GPRASP2: variants seen among roughly 807,000 people sequenced by gnomAD.
GPRASP2 encodes G protein-coupled receptor-associated sorting protein 2.
GPRASP2 carries 10 observed loss-of-function variants against 36.0 expected under a neutral mutation model. The ratio of observed to expected loss-of-function variants is 0.28; its 90% CI spans 0.17 to 0.47. The LOEUF is 0.47. GPRASP2 is among the 20% of genes least tolerant of loss of function. GPRASP2 has a pLI of 0.99. For synonymous variants in GPRASP2, 219 were observed against 230.5 expected, an observed-to-expected ratio of 0.95 and a Z score of 0.45; for missense variants, 538 against 626.7, an observed-to-expected ratio of 0.86 and a Z score of 1.51.
chrX:102,717,442 T>C lies in GPRASP2; in HGVS notation c.*56T>C. ...TATGTTCCCAAAGAGCCCTGAGTAG[T>C]GCTTTGGTGTTCACAGTCTGTTTTT... On this transcript the variant is annotated 3_prime_UTR_variant, in exon 5 of 5. Transcript: ENST00000483720. 1.0e-6 allele frequency: 1 copy of C among 1,004,162 alleles called. No individual in the cohort carries two copies. The highest frequency in any genetic ancestry group is 1.3e-6 in the Non-Finnish European group (1 of 783,986). 82.8% of individuals were successfully genotyped at this position (1,004,162 alleles called of 1,213,427 possible).
chrX:102,715,430 G>A lies in GPRASP2; in HGVS notation c.561G>A (p.Gln187=). 3 of 1,212,295 alleles carry A rather than the reference G, an allele frequency of 2.5e-6. No homozygotes were observed. The highest frequency in any genetic ancestry group is 3.3e-6 in the Non-Finnish European group (3 of 895,634). The stretch of plus-strand genomic sequence containing the variant: ...ATGCTGAAACCTTTCCTGGCACCCA[G>A]GGTCAGAAAGGAATCCAGCCCTGGT... The part of the protein sequence containing the change: ...NVDAETFPGT[Q]GQKGIQPWFG... Residue 187 remains glutamine (Q), a synonymous_variant, in exon 5 of 5, where the codon CAG becomes CAA. Transcript: ENST00000483720.
rs1489245539 is a variant in GPRASP2 at position 102,716,153 on chromosome X, G to A, written c.1284G>A (p.Lys428=). 8.3e-7 allele frequency: 1 copy of A among 1,203,938 alleles called. No homozygotes were observed. The highest frequency in any genetic ancestry group is 1.1e-6 in the Non-Finnish European group (1 of 892,961). The stretch of plus-strand genomic sequence containing the variant: ...GATCCGCGTACTGGGCTGAGGAAAA[G>A]TCCAGTTTGGGGGCTGTGGCCAGAG... ...IGGSAYWAEE[K]SSLGAVAREE... is the part of the protein sequence containing the mutation. Residue 428 remains lysine, a synonymous_variant, in exon 5 of 5, where the codon AAG becomes AAA. Transcript: ENST00000483720.
intron 2 of GPRASP2, among the ~76,000 whole-genome samples, chrX:102,713,502 C>T (rs893763081): frequency 1.1e-4 from 12 of 113,176 alleles, no homozygotes; most frequent in African/African-American, 2.9e-4. Flanking sequence ...TTTTATGCTG[C>T]GCAGAGCAAG....
chrX:102,716,265 T>A lies in GPRASP2; in HGVS notation c.1396T>A (p.Cys466Ser). ...RDEACFDLNPCPVYKVSDRFR... is the reference protein window; with the variant it reads ...RDEACFDLNPSPVYKVSDRFR... ...TGAGGCCTGCTTTGACCTAAATCCC[T>A]GTCCTGTGTACAAGGTCAGTGATAG... Residue 466 changes from cysteine to serine, a missense_variant, in exon 5 of 5, where the codon TGT (cysteine) becomes AGT (serine). This residue lies in a region of GPRASP2 where 262 missense variants were observed against 351.7 expected (regional missense o/e 0.74). Coordinates refer to ENST00000483720, the MANE Select transcript of GPRASP2 (RefSeq NM_001004051.4). 1 of 1,212,151 alleles carries A rather than the reference T, an allele frequency of 8.2e-7. No individual in the cohort carries two copies. Among genetic ancestry groups the A allele is most frequent in the Non-Finnish European group, 1.1e-6 (1 of 895,640 alleles).
chrX:102,715,868 G>A lies in GPRASP2; in HGVS notation c.999G>A (p.Glu333=). The A allele has an allele frequency of 8.3e-7, 1 of 1,212,035 alleles. No individual in the cohort carries two copies. Among genetic ancestry groups the A allele is most frequent in the South Asian group, 1.8e-5 (1 of 57,000 alleles). The change falls in exon 5 of 5, where the codon GAG becomes GAA. Residue 333 remains glutamate (E), a synonymous_variant. Coordinates refer to ENST00000483720, the MANE Select transcript of GPRASP2 (RefSeq NM_001004051.4). ...EDCFESESED[E]FYKQSWVLPG... ...GTTTTGAATCTGAGTCTGAAGATGA[G>A]TTCTATAAGCAGTCCTGGGTTTTGC...
At position 102,715,072 on chromosome X, in the gene GPRASP2, C is replaced by A. The variant is rs779921022; in HGVS notation, c.203C>A (p.Ala68Glu). ...GCAAGGCCCAAAACTGAGGCCCAAGCAATGTCTGGGGCAAGGCCCAAAACT... is the reference window on the plus strand; with the variant it reads ...GCAAGGCCCAAAACTGAGGCCCAAGAAATGTCTGGGGCAAGGCCCAAAACT... ...PAARPKTEAQ[A>E]MSGARPKTEV... is the part of the protein sequence containing the mutation. Residue 68 changes from alanine (A) to glutamate (E), a missense_variant, in exon 5 of 5, where the codon GCA becomes GAA. Physicochemically the swap from Ala to Glu is moderately radical, Grantham distance 107. Transcript: ENST00000483720. The A allele has an allele frequency of 8.2e-7, 1 of 1,212,512 alleles. No homozygotes were observed. Among genetic ancestry groups the A allele is most frequent in the Non-Finnish European group, 1.1e-6 (1 of 895,585 alleles).
At position 102,716,151 on chromosome X, in the gene GPRASP2, A is replaced by G; in HGVS notation, c.1282A>G (p.Lys428Glu). The change falls in exon 5 of 5, where the codon AAG becomes GAG. Residue 428 changes from lysine (K) to glutamate (E), a missense_variant. Lys to Glu is a moderately conservative substitution (Grantham distance 56). Transcript: ENST00000483720. ...IGGSAYWAEE[K>E]SSLGAVAREE... is the part of the protein sequence containing the mutation. ...CGGATCCGCGTACTGGGCTGAGGAAAAGTCCAGTTTGGGGGCTGTGGCCAG... is the reference window on the plus strand; with the variant it reads ...CGGATCCGCGTACTGGGCTGAGGAAGAGTCCAGTTTGGGGGCTGTGGCCAG... The G allele has an allele frequency of 8.3e-7, 1 of 1,205,185 alleles. No individual in the cohort carries two copies. Among genetic ancestry groups the G allele is most frequent in the Non-Finnish European group, 1.1e-6 (1 of 892,977 alleles).
In GPRASP2 at chrX:102,716,380, A is replaced by C; in HGVS notation, c.1511A>C (p.His504Pro). The C allele has an allele frequency of 2.5e-6, 3 of 1,211,698 alleles. No homozygotes were observed. Among genetic ancestry groups the C allele is most frequent in the Admixed American group, 2.2e-5 (1 of 46,013 alleles). Residue 504 changes from histidine (H) to proline (P), a missense_variant, in exon 5 of 5, where the codon CAT becomes CCT. Physicochemically the swap from His to Pro is moderately conservative, Grantham distance 77. Coordinates refer to ENST00000483720, the MANE Select transcript of GPRASP2 (RefSeq NM_001004051.4). The part of the protein sequence containing the change: ...VTVEFKPGLF[H>P]GVGFRSTSPF... ...GTTGAATTCAAACCTGGTCTTTTTC[A>C]TGGGGTTGGCTTCCGATCCACAAGC...
At position 102,714,771 on chromosome X, in the gene GPRASP2, A is replaced by G; in HGVS notation, c.-99A>G. 8.9e-7 allele frequency: 1 copy of G among 1,126,941 alleles called. No individual in the cohort carries two copies. Among genetic ancestry groups the G allele is most frequent in the Non-Finnish European group, 1.2e-6 (1 of 849,306 alleles). 92.9% of individuals were successfully genotyped at this position (1,126,941 alleles called of 1,213,427 possible). A position where few individuals can be genotyped will look rare whatever the true frequency, so the allele number is the denominator to read the frequency against. ...CCCAAGCTTATATCCTTAATCACCT[A>G]AAGATCAGAGTGTGAAGAAACAAAC... On this transcript the variant is annotated 5_prime_UTR_variant, in exon 5 of 5. Transcript: ENST00000483720.
In GPRASP2 at chrX:102,716,073, G is replaced by A; in HGVS notation, c.1204G>A (p.Gly402Arg). ...AGAAAAAGAGGCCAGTTTGGAGGGT[G>A]GAGCTTCAGCAATCTGTGAATCTGA... ...WAEKEASLEG[G>R]ASAICESEPG... The change falls in exon 5 of 5, where the codon GGA becomes AGA. Residue 402 changes from glycine (G) to arginine (R), a missense_variant. This residue lies in a region of GPRASP2 where 262 missense variants were observed against 351.7 expected (regional missense o/e 0.74). Coordinates refer to ENST00000483720, the MANE Select transcript of GPRASP2 (RefSeq NM_001004051.4). 1.7e-6 allele frequency: 2 copies of A among 1,194,149 alleles called. No individual in the cohort carries two copies. The highest frequency in any genetic ancestry group is 2.3e-6 in the Non-Finnish European group (2 of 887,991).
rs1400353200 is a variant in GPRASP2 at position 102,715,718 on chromosome X, A to T, written c.849A>T (p.Gly283=). 1.7e-6 allele frequency: 2 copies of T among 1,211,917 alleles called. No individual in the cohort carries two copies. Among genetic ancestry groups the T allele is most frequent in the Non-Finnish European group, 2.2e-6 (2 of 895,580 alleles). ...KQEAYVDSWS[G]SEDEASNPFS... ...AAGCCTATGTTGATTCCTGGTCTGG[A>T]TCTGAGGATGAGGCCAGCAACCCAT... Residue 283 remains glycine, a synonymous_variant, in exon 5 of 5, where the codon GGA becomes GGT. Transcript: ENST00000483720.
At position 102,716,346 on chromosome X, in the gene GPRASP2, G is replaced by A; in HGVS notation, c.1477G>A (p.Glu493Lys). The change falls in exon 5 of 5, where the codon GAG becomes AAG. Residue 493 changes from glutamate (E) to lysine (K), a missense_variant. Glu to Lys is a moderately conservative substitution (Grantham distance 56). Transcript: ENST00000483720. ...NASSRPQTWDEVTVEFKPGLF... is the reference protein window; with the variant it reads ...NASSRPQTWDKVTVEFKPGLF... ...ATCCTCCAGGCCCCAAACCTGGGAC[G>A]AGGTCACTGTTGAATTCAAACCTGG... 1.7e-6 allele frequency: 2 copies of A among 1,211,951 alleles called. No individual in the cohort carries two copies. Among genetic ancestry groups the A allele is most frequent in the Non-Finnish European group, 2.2e-6 (2 of 895,585 alleles).
Position 102,716,925 on chromosome X carries a change from A to G in GPRASP2, c.2056A>G (p.Thr686Ala). 8.3e-7 allele frequency: 1 copy of G among 1,205,725 alleles called. No homozygotes were observed. Among genetic ancestry groups the G allele is most frequent in the South Asian group, 1.8e-5 (1 of 55,400 alleles). Residue 686 changes from threonine to alanine, a missense_variant, in exon 5 of 5, where the codon ACC becomes GCC. By Grantham distance (58) the Thr-to-Ala change is moderately conservative (BLOSUM62 0). Transcript: ENST00000483720. ...ATTCATATGTCAAGTGTGTGAGGAA[A>G]CCCTTGCACATAGTGTGGATTCCCT... ...ETFICQVCEE[T>A]LAHSVDSLEQ...
chrX:102,714,376 C>A (rs58847439), intron 4 of GPRASP2, 110 bp downstream of exon 4: 3,740 of 118,296 alleles, frequency 0.032, 140 homozygotes, highest in South Asian at 0.28. Flanking sequence ...ATTGCCGACA[C>A]ACTTTCCCAC....
In GPRASP2 at chrX:102,712,611, C is replaced by A. The variant is rs1196669994; in HGVS notation, c.-568+59C>A. The stretch of plus-strand genomic sequence containing the variant: ...TGCGGGGGTGGTCTGGCAGGGTGGA[C>A]CAGCAGGCAGCCTGCCCCGCGGACC... On this transcript the variant is annotated intron_variant, in intron 1 of 4. Transcript: ENST00000483720. The A allele has an allele frequency of 2.7e-5, 3 of 112,057 alleles. No individual in the cohort carries two copies. In the Admixed American group the frequency reaches 2.8e-4, roughly 10 times the overall value. 9.2% of individuals were successfully genotyped at this position (112,057 alleles called of 1,213,427 possible).
In GPRASP2 at chrX:102,716,506, C is replaced by A; in HGVS notation, c.1637C>A (p.Pro546His). The change falls in exon 5 of 5, where the codon CCT becomes CAT. Residue 546 changes from proline (P) to histidine (H), a missense_variant. Pro to His is a moderately conservative substitution (Grantham distance 77). Around this residue, in one of 2 missense-constraint regions of GPRASP2, gnomAD observed 262 missense variants for 351.7 expected, o/e 0.74. Coordinates refer to ENST00000483720, the MANE Select transcript of GPRASP2 (RefSeq NM_001004051.4). ...EGEEQESLLQPDQPSPEFTFQ... is the reference protein window; with the variant it reads ...EGEEQESLLQHDQPSPEFTFQ... ...GAAGAGCAGGAATCTTTGCTTCAGC[C>A]TGATCAGCCTAGTCCTGAGTTCACA... 1 of 1,211,944 alleles carries A rather than the reference C, an allele frequency of 8.3e-7. No individual in the cohort carries two copies. Among genetic ancestry groups the A allele is most frequent in the South Asian group, 1.8e-5 (1 of 56,998 alleles).
At position 102,715,142 on chromosome X, in the gene GPRASP2, A is replaced by G. The variant is rs139738191; in HGVS notation, c.273A>G (p.Gln91=). Residue 91 remains glutamine, a synonymous_variant, in exon 5 of 5, where the codon CAA becomes CAG. Transcript: ENST00000483720. ...MGGARPKTEA[Q]GITGARPKTD... ...GTGCAAGACCCAAAACGGAGGCTCA[A>G]GGAATCACAGGGGCCAGGCCCAAAA... 1.2e-4 allele frequency: 144 copies of G among 1,211,660 alleles called. No homozygotes were observed. In the African/African-American group the frequency reaches 2.3e-3, roughly 19 times the overall value.
Position 102,715,699 on chromosome X carries a change from A to G in GPRASP2, c.830A>G (p.Tyr277Cys), listed in dbSNP as rs2081953234. ...AGGCCCAGATCCAAGCAAGAAGCCTATGTTGATTCCTGGTCTGGATCTGAG... is the reference window on the plus strand; with the variant it reads ...AGGCCCAGATCCAAGCAAGAAGCCTGTGTTGATTCCTGGTCTGGATCTGAG... The part of the protein sequence containing the change: ...RSRPRSKQEA[Y>C]VDSWSGSEDE... The change falls in exon 5 of 5, where the codon TAT becomes TGT. Residue 277 changes from tyrosine (Y) to cysteine (C), a missense_variant. Around this residue, in one of 2 missense-constraint regions of GPRASP2, gnomAD observed 276 missense variants for 275.0 expected, o/e 1.00. Transcript: ENST00000483720. The G allele has an allele frequency of 6.6e-6, 8 of 1,212,103 alleles. No individual in the cohort carries two copies. Among genetic ancestry groups the G allele is most frequent in the Non-Finnish European group, 8.9e-6 (8 of 895,628 alleles).
Position 102,714,938 on chromosome X carries a change from C to T in GPRASP2, c.69C>T (p.Ile23=), listed in dbSNP as rs768280383. ...KPEKKAGEEV[I]AGPERENDVP... ...AAAAGAAGGCTGGGGAAGAGGTTAT[C>T]GCTGGGCCTGAGAGAGAGAATGATG... Residue 23 remains isoleucine, a synonymous_variant, in exon 5 of 5, where the codon ATC becomes ATT. Coordinates refer to ENST00000483720, the MANE Select transcript of GPRASP2 (RefSeq NM_001004051.4). 2.9e-5 allele frequency: 35 copies of T among 1,212,299 alleles called. No homozygotes were observed. Among genetic ancestry groups the T allele is most frequent in the Non-Finnish European group, 3.6e-5 (32 of 895,657 alleles).
Sources: allele counts gnomAD v4.1 joint callset (sites outside exome capture counted in the v4.1 genomes callset), GRCh38; gene constraint gnomAD v4.1.1; regional missense constraint gnomAD v4.1.1; transcripts MANE v1.5; gene names NCBI Gene and HGNC (gene_info 2026-07-23, HGNC 2026-07-21).